The following CSMD1 variants were observed in gnomAD, a reference collection of about 807,000 sequenced individuals.
The protein encoded by CSMD1 is CUB and Sushi multiple domains 1, also known as CUB and sushi domain-containing protein 1.
Under a neutral mutation model 417.5 loss-of-function variants are expected in CSMD1, and 213 were observed. The observed-to-expected ratio is 0.51, with a 90% confidence interval of 0.46 to 0.57. The LOEUF is 0.57. Ranked by LOEUF, CSMD1 falls within the 20% of genes least tolerant of loss-of-function variation. The pLI is 0.00. For missense variants in CSMD1, 6,923 were observed against 4,529.7 expected (o/e 1.53, Z -15.17); for synonymous variants, 2,862 against 1,736.8 (o/e 1.65, Z -16.11).
chr8:4,992,084 A>G (rs2977694), intron 1 of CSMD1, among the ~76,000 whole-genome samples: 108,014 of 152,024 alleles, frequency 0.71, 39,884 homozygotes, highest in African/African-American at 0.9. Context: ...AGGTTCTGGG[A>G]CCTGCAGCGC....
intron 2 of CSMD1, among the ~76,000 whole-genome samples, chr8:4,444,884 G>C (rs1363036102): frequency 6.6e-6 from 1 of 152,162 alleles, no homozygotes; most frequent in Non-Finnish European, 1.5e-5. Flanking sequence ...GTAATTGATT[G>C]TTCAGACTCT....
intron 12 of CSMD1, among the ~76,000 whole-genome samples, chr8:3,467,772 G>T (rs1183730334): frequency 6.6e-6 from 1 of 152,140 alleles, no homozygotes; most frequent in Non-Finnish European, 1.5e-5. Context: ...TACCATGCTT[G>T]TTGATTTAGG....
At chr8:4,223,869 A>C (rs1801191126) in intron 3 of CSMD1, among the ~76,000 whole-genome samples, 1 of 152,196 alleles carries the variant, frequency 6.6e-6, no homozygotes, top group African/African-American at 2.4e-5. Flanking sequence ...AGGTCCCTAA[A>C]AGTCCTGCAT....
intron 5 of CSMD1, among the ~76,000 whole-genome samples, chr8:3,859,199 A>C (rs1381512815): frequency 1.3e-5 from 2 of 152,204 alleles, no homozygotes; most frequent in Admixed American, 6.6e-5. Context: ...TGTGCGTAGC[A>C]GAGGAGTACG....
chr8:4,832,095 G>T (rs996425462), intron 1 of CSMD1, among the ~76,000 whole-genome samples: 1 of 152,070 alleles, frequency 6.6e-6, no homozygotes, highest in South Asian at 2.1e-4. Flanking sequence ...TTCTCTTCGG[G>T]AACCTTTTGT....
intron 37 of CSMD1, among the ~76,000 whole-genome samples, chr8:3,176,152 G>A (rs112130876): frequency 6.6e-6 from 1 of 152,050 alleles, no homozygotes; most frequent in Non-Finnish European, 1.5e-5. Context: ...ATTTAGTGAA[G>A]AAGGCCTGAA....
chr8:4,736,812 C>G (rs1222678478), intron 1 of CSMD1, among the ~76,000 whole-genome samples: 1 of 152,132 alleles, frequency 6.6e-6, no homozygotes, highest in African/African-American at 2.4e-5. Context: ...CCTTCACTTC[C>G]CCACTGTGCT....
At chr8:4,146,669 T>C (rs1714817) in intron 3 of CSMD1, among the ~76,000 whole-genome samples, 26,113 of 132,258 alleles carry the variant, frequency 0.2, 2,781 homozygotes, top group East Asian at 0.32. Context: ...TGGAGCGCAG[T>C]GGTGTGATCT....
intron 5 of CSMD1, among the ~76,000 whole-genome samples, chr8:3,821,521 G>A (rs1030798186): frequency 2.6e-5 from 4 of 152,064 alleles, no homozygotes; most frequent in South Asian, 2.1e-4. Flanking sequence ...GGTGGCTCAC[G>A]CCTGTAATCC....
chr8:4,199,546 T>G (rs1799529902), intron 3 of CSMD1, among the ~76,000 whole-genome samples: 1 of 152,176 alleles, frequency 6.6e-6, no homozygotes, highest in Non-Finnish European at 1.5e-5. Flanking sequence ...TATTGAATCC[T>G]CTCGGCTACC....
chr8:4,581,358 C>T (rs891945676), intron 2 of CSMD1, among the ~76,000 whole-genome samples: 1 of 152,152 alleles, frequency 6.6e-6, no homozygotes, highest in African/African-American at 2.4e-5. Flanking sequence ...ATCTTACTAC[C>T]TCTCGATATA....
chr8:4,181,929 G>A (rs1333826600), intron 3 of CSMD1, among the ~76,000 whole-genome samples: 1 of 145,082 alleles, frequency 6.9e-6, no homozygotes, highest in African/African-American at 2.6e-5. Flanking sequence ...TTAGTACTTT[G>A]CTAGGTGATT....
At chr8:3,693,921 G>T (rs114287682) in intron 7 of CSMD1, among the ~76,000 whole-genome samples, 2 of 151,502 alleles carry the variant, frequency 1.3e-5, no homozygotes, top group South Asian at 4.2e-4. Flanking sequence ...GTGTGTGTGT[G>T]TTTGTTATGG....
intron 17 of CSMD1, among the ~76,000 whole-genome samples, chr8:3,389,452 C>A (rs1213885165): frequency 6.6e-6 from 1 of 152,028 alleles, no homozygotes; most frequent in Non-Finnish European, 1.5e-5. Flanking sequence ...ACAAGAATTC[C>A]CTCAAAAGAA....
At chr8:3,900,403 G>C (rs367864475) in intron 5 of CSMD1, among the ~76,000 whole-genome samples, 3 of 151,066 alleles carry the variant, frequency 2.0e-5, no homozygotes, top group Non-Finnish European at 4.4e-5. Context: ...GTATAGGTGG[G>C]TGACAGGGCA....
chr8:3,918,166 G>C (rs62480121), intron 5 of CSMD1, among the ~76,000 whole-genome samples: 2,101 of 152,174 alleles, frequency 0.014, 22 homozygotes, highest in Non-Finnish European at 0.022. Flanking sequence ...GGGAGTGAAA[G>C]TGTGTGTTCA....
intron 5 of CSMD1, among the ~76,000 whole-genome samples, chr8:3,994,377 G>A (rs2130309225): frequency 7.1e-6 from 1 of 140,674 alleles, no homozygotes; most frequent in Admixed American, 7.6e-5. Context: ...ACTCAGAAAT[G>A]AAATCAATTT....
At chr8:4,101,184 T>C (rs1024417088) in intron 3 of CSMD1, among the ~76,000 whole-genome samples, 1 of 152,198 alleles carries the variant, frequency 6.6e-6, no homozygotes, top group African/African-American at 2.4e-5. Flanking sequence ...TCTGAATACA[T>C]CTATATGCCT....
At chr8:3,781,741 T>G (rs1204979917) in intron 5 of CSMD1, among the ~76,000 whole-genome samples, 1 of 152,216 alleles carries the variant, frequency 6.6e-6, no homozygotes. Context: ...ATATTGCCCC[T>G]GACAATCTGA....
Sources: gnomAD v4.1 joint callset for allele counts (sites outside exome capture counted in the v4.1 genomes callset) on GRCh38, gnomAD v4.1.1 for gene constraint, MANE v1.5 for transcripts, NCBI Gene and HGNC (gene_info 2026-07-23, HGNC 2026-07-21) for gene names.